AVL9: variants seen among roughly 807,000 people sequenced by gnomAD.
AVL9 encodes late secretory pathway protein AVL9 homolog.
In AVL9, 49 loss-of-function variants were observed where a neutral mutation model predicts 79.2. That is an observed-to-expected ratio of 0.62 (90% CI 0.49 to 0.79). The LOEUF is 0.79. Among genes scored for constraint, AVL9 ranks in the 30% least tolerant of loss-of-function variants. The probability of loss-of-function intolerance (pLI) is 0.00; values close to 1 mark genes in which losing one functional copy is unlikely to be tolerated. For synonymous variants in AVL9, 299 were observed against 280.6 expected (o/e 1.07, Z -0.65); for missense variants, 682 against 776.8 (o/e 0.88, Z 1.45).
intron 1 of AVL9, among the ~76,000 whole-genome samples, chr7:32,509,257 T>C (rs185889437): frequency 1.3e-5 from 2 of 152,186 alleles, no homozygotes; most frequent in Non-Finnish European, 2.9e-5. Context: ...CCTGGCAAGA[T>C]TCTGGAATTC....
At chr7:32,503,367 T>TACACAC (rs1278670017) in intron 1 of AVL9, among the ~76,000 whole-genome samples, 2,642 of 88,184 alleles carry the variant, frequency 0.03, 68 homozygotes, top group Non-Finnish European at 0.039. Context: ...GAGAGATATA[T>TACACAC]ATATATACAC....
intron 1 of AVL9, among the ~76,000 whole-genome samples, chr7:32,541,061 C>T (rs1789174706): frequency 6.6e-6 from 1 of 151,824 alleles, no homozygotes. Flanking sequence ...GCCACTACGT[C>T]TGGCTAATTT....
At chr7:32,567,875 A>G (rs1790652717) in intron 10 of AVL9, among the ~76,000 whole-genome samples, 1 of 151,604 alleles carries the variant, frequency 6.6e-6, no homozygotes, top group Non-Finnish European at 1.5e-5. Flanking sequence ...TCGCCACCAC[A>G]GGTCCAGCTC....
At chr7:32,552,793 C>T (rs10951342) in intron 6 of AVL9, among the ~76,000 whole-genome samples, 95,535 of 151,954 alleles carry the variant, frequency 0.63, 30,471 homozygotes, top group Admixed American at 0.71. Context: ...TTTCTACCTT[C>T]TAGGATAGTA....
At chr7:32,568,069 T>G (rs1282856864) in intron 10 of AVL9, among the ~76,000 whole-genome samples, 1 of 151,966 alleles carries the variant, frequency 6.6e-6, no homozygotes, top group African/African-American at 2.4e-5. Flanking sequence ...TCTTACTATG[T>G]TGACTGGCCA....
chr7:32,511,851 C>G (rs1319273205), intron 1 of AVL9, among the ~76,000 whole-genome samples: 1 of 152,006 alleles, frequency 6.6e-6, no homozygotes, highest in Non-Finnish European at 1.5e-5. Flanking sequence ...AGGGTTGAGG[C>G]CGAGAAATTG....
chr7:32,518,342 A>G (rs1476205463), intron 1 of AVL9, among the ~76,000 whole-genome samples: 2 of 152,242 alleles, frequency 1.3e-5, no homozygotes, highest in African/African-American at 4.8e-5. Context: ...CGATTAAAAT[A>G]AAATAATTAG....
intron 13 of AVL9, among the ~76,000 whole-genome samples, chr7:32,578,723 C>T (rs369020143): frequency 1.3e-5 from 2 of 152,028 alleles, no homozygotes; most frequent in South Asian, 4.1e-4. Flanking sequence ...GCAGGAGAAT[C>T]GCTTGAACCT....
intron 1 of AVL9, among the ~76,000 whole-genome samples, chr7:32,528,611 C>G (rs1489494727): frequency 6.6e-6 from 1 of 152,056 alleles, no homozygotes; most frequent in African/African-American, 2.4e-5. Context: ...GCTTGTCCAC[C>G]GAGGCTCCCT....
At chr7:32,511,226 A>G (rs1294020643) in intron 1 of AVL9, among the ~76,000 whole-genome samples, 1 of 128,516 alleles carries the variant, frequency 7.8e-6, no homozygotes, top group Non-Finnish European at 1.7e-5. Context: ...TTCATGAGCC[A>G]TCAAGTCTCT....
intron 15 of AVL9, chr7:32,581,475 T>C (rs925548561): frequency 2.0e-5 from 3 of 152,232 alleles, no homozygotes; most frequent in Non-Finnish European, 4.4e-5. Flanking sequence ...TATACAAATT[T>C]TTTTAAAGAT....
chr7:32,517,804 C>CTT (rs1787969915), intron 1 of AVL9, among the ~76,000 whole-genome samples: 1 of 104,580 alleles, frequency 9.6e-6, no homozygotes, highest in South Asian at 4.5e-4. Flanking sequence ...ATGATCTTTG[C>CTT]TTGTGTGTTT....
chr7:32,552,158 C>G, intron 5 of AVL9, 71 bp from the exon 6 acceptor site: 1 of 991,808 alleles, frequency 1.0e-6, no homozygotes, highest in African/African-American at 1.6e-5. Flanking sequence ...CAGCTTTTTT[C>G]TGATCAATAT....
At chr7:32,565,763 T>G (rs1327567528) in intron 10 of AVL9, among the ~76,000 whole-genome samples, 1 of 151,840 alleles carries the variant, frequency 6.6e-6, no homozygotes, top group African/African-American at 2.4e-5. Flanking sequence ...ATCCCAGCAC[T>G]TTGGGAGGCC....
At chr7:32,581,144 C>G (rs1044492258) in intron 15 of AVL9, 2 of 445,712 alleles carry the variant, frequency 4.5e-6, no homozygotes, top group African/African-American at 4.0e-5. Context: ...TCAAGCTGCA[C>G]CAGAGTTTTC....
chr7:32,509,624 C>G (rs67353579), intron 1 of AVL9, among the ~76,000 whole-genome samples: 36,437 of 151,988 alleles, frequency 0.24, 5,016 homozygotes, highest in Admixed American at 0.34. Context: ...GCCGGGCGGG[C>G]GGATCACTTG....
chr7:32,586,150 A>T lies in AVL9; in HGVS notation c.*2243A>T, dbSNP rs1302913166. 1.3e-5 allele frequency: 2 copies of T among 152,346 alleles called. No homozygotes were observed. Among genetic ancestry groups the T allele is most frequent in the Non-Finnish European group, 2.9e-5 (2 of 68,034 alleles). 9.4% of individuals were successfully genotyped at this position (152,346 alleles called of 1,614,324 possible). A position where few individuals can be genotyped will look rare whatever the true frequency, so the allele number is the denominator to read the frequency against. ...CTTTGGAATCCACTGAAATAAAAAT[A>T]GTTACATGAAGTTTAACTTTGCTTT... is the stretch of plus-strand genomic sequence containing the variant. On this transcript the variant is annotated 3_prime_UTR_variant, in exon 16 of 16. Transcript: ENST00000318709.
At chr7:32,523,126 T>C (rs1174880499) in intron 1 of AVL9, among the ~76,000 whole-genome samples, 3 of 117,980 alleles carry the variant, frequency 2.5e-5, no homozygotes, top group Admixed American at 1.0e-4. Flanking sequence ...TATAGATGGT[T>C]AATAAAACAT....
At chr7:32,542,538 AGAGT>A (rs1225145744) in intron 1 of AVL9, among the ~76,000 whole-genome samples, 1 of 152,202 alleles carries the variant, frequency 6.6e-6, no homozygotes. Flanking sequence ...CCTGGCTGAC[AGAGT>A]GAGACTGTCT....
Sources: gnomAD v4.1 joint callset for allele counts (sites outside exome capture counted in the v4.1 genomes callset) on GRCh38, gnomAD v4.1.1 for gene constraint, MANE v1.5 for transcripts, NCBI Gene and HGNC (gene_info 2026-07-23, HGNC 2026-07-21) for gene names.